PRELID2: variants seen among roughly 807,000 people sequenced by gnomAD.
PRELID2 encodes PRELI domain containing 2, also known as PRELI domain-containing protein 2.
Under a neutral mutation model 28.4 loss-of-function variants are expected in PRELID2, and 25 were observed. That is an observed-to-expected ratio of 0.88 (90% CI 0.64 to 1.23). The LOEUF (loss-of-function observed/expected upper bound fraction) is 1.23. Ranked by LOEUF, PRELID2 falls within the 50% of genes most tolerant of loss-of-function variation. The pLI is 0.00. For missense variants in PRELID2, 201 were observed against 214.4 expected, an observed-to-expected ratio of 0.94 and a Z score of 0.39; for synonymous variants, 76 against 71.6, an observed-to-expected ratio of 1.06 and a Z score of -0.31.
At chr5:145,580,347 A>G (rs563952464) in intron 1 of PRELID2, among the ~76,000 whole-genome samples, 158 of 152,208 alleles carry the variant, frequency 1.0e-3, no homozygotes, top group African/African-American at 3.7e-3. Flanking sequence ...ATTTAATAGC[A>G]GGAGAGAAAC....
chr5:145,293,801 A>G, the PRELID2 span, among the ~76,000 whole-genome samples: 1 of 152,210 alleles, frequency 6.6e-6, no homozygotes, highest in Admixed American at 6.6e-5. Context: ...GGCTATGGTT[A>G]CAAAGAGTAA....
chr5:145,419,649 G>C, the PRELID2 span, among the ~76,000 whole-genome samples: 1 of 151,800 alleles, frequency 6.6e-6, no homozygotes, highest in African/African-American at 2.4e-5. Flanking sequence ...CAGATGAGTA[G>C]GTTGCGAAAA....
chr5:145,691,652 A>G (rs376992457), intron 1 of PRELID2, among the ~76,000 whole-genome samples: 11 of 152,114 alleles, frequency 7.2e-5, no homozygotes, highest in African/African-American at 2.4e-4. Flanking sequence ...TGGGAGGCGA[A>G]GCTTGCAGTA....
intron 1 of PRELID2, among the ~76,000 whole-genome samples, chr5:145,750,975 T>A (rs543860098): frequency 6.6e-6 from 1 of 152,340 alleles, no homozygotes; most frequent in Admixed American, 6.5e-5. Flanking sequence ...TGGTTAGAGA[T>A]GTTGCGGTAT....
At chr5:145,710,534 A>C (rs932888213) in intron 1 of PRELID2, among the ~76,000 whole-genome samples, 14 of 152,230 alleles carry the variant, frequency 9.2e-5, no homozygotes, top group African/African-American at 3.4e-4. Flanking sequence ...GTTTAGCTTC[A>C]TGTCAGAGGA....
intron 1 of PRELID2, among the ~76,000 whole-genome samples, chr5:145,671,220 A>C (rs536228745): frequency 6.6e-6 from 1 of 152,332 alleles, no homozygotes; most frequent in South Asian, 2.1e-4. Flanking sequence ...AACTATCGCT[A>C]TACAGATTTC....
chr5:145,622,958 G>C (rs184891674), intron 1 of PRELID2, among the ~76,000 whole-genome samples: 10 of 151,708 alleles, frequency 6.6e-5, no homozygotes, highest in Non-Finnish European at 8.8e-5. Context: ...AGTAATAAAA[G>C]GTTAAATCAC....
chr5:145,378,723 T>C, the PRELID2 span, among the ~76,000 whole-genome samples: 1 of 152,202 alleles, frequency 6.6e-6, no homozygotes, highest in Non-Finnish European at 1.5e-5. Flanking sequence ...TTGGATTGGG[T>C]TCCAAGGTAC....
chr5:145,459,037 C>T, the PRELID2 span, among the ~76,000 whole-genome samples: 1 of 152,208 alleles, frequency 6.6e-6, no homozygotes, highest in Non-Finnish European at 1.5e-5. Flanking sequence ...GGGGAAATGC[C>T]ATCAGCCACC....
Position 145,736,662 on chromosome 5 carries a change from C to T in PRELID2, n.70+28269G>A, listed in dbSNP as rs146272371. Among the ~76,000 whole-genome samples the T allele has an allele frequency of 2.0e-5, 3 of 152,146 alleles. No homozygotes were observed. The East Asian group carries it at 5.8e-4, about 29-fold the overall frequency. On this transcript the variant is annotated intron_variant and non_coding_transcript_variant, in intron 1 of 2. Transcript: ENST00000510259. ...ATATTTGTTAAACCCTGTAAAGGGA[C>T]AGAGGGCAGCAGATAGATGAGCAAC...
chr5:145,246,858 A>T, the PRELID2 span, among the ~76,000 whole-genome samples: 1 of 152,156 alleles, frequency 6.6e-6, no homozygotes, highest in Non-Finnish European at 1.5e-5. Flanking sequence ...AATTTAGTGT[A>T]TGGTTTGACT....
At chr5:145,790,891 G>GTATATA (rs3038407) in intron 5 of PRELID2, among the ~76,000 whole-genome samples, 15,809 of 140,934 alleles carry the variant, frequency 0.11, 967 homozygotes, top group Non-Finnish European at 0.13. Context: ...TCACTTCTGG[G>GTATATA]TATATATATA....
chr5:145,282,641 T>C, the PRELID2 span, among the ~76,000 whole-genome samples: 1 of 151,824 alleles, frequency 6.6e-6, no homozygotes, highest in Admixed American at 6.6e-5. Flanking sequence ...CATCTCAGCC[T>C]CCTGAGTACC....
At chr5:145,704,775 C>T (rs565082846) in intron 1 of PRELID2, among the ~76,000 whole-genome samples, 22 of 152,108 alleles carry the variant, frequency 1.4e-4, no homozygotes, top group East Asian at 7.7e-4. Flanking sequence ...GAATTGGGCC[C>T]GAAAGGGAAT....
At chr5:145,335,951 T>C in the PRELID2 span, among the ~76,000 whole-genome samples, 1 of 152,244 alleles carries the variant, frequency 6.6e-6, no homozygotes, top group East Asian at 1.9e-4. Context: ...CCTGACTTTT[T>C]AATGATTGCC....
At chr5:145,714,393 T>C (rs1755787177) in intron 1 of PRELID2, among the ~76,000 whole-genome samples, 1 of 152,126 alleles carries the variant, frequency 6.6e-6, no homozygotes, top group Non-Finnish European at 1.5e-5. Flanking sequence ...AATATCCTTC[T>C]TGGACAGAAG....
chr5:145,370,519 C>T, the PRELID2 span, among the ~76,000 whole-genome samples: 3 of 152,114 alleles, frequency 2.0e-5, no homozygotes, highest in East Asian at 5.8e-4. Context: ...GTTTTGGTTA[C>T]TGTATCCTTG....
At chr5:145,495,578 A>T (rs920753666) in intron 1 of PRELID2, among the ~76,000 whole-genome samples, 24 of 152,148 alleles carry the variant, frequency 1.6e-4, no homozygotes, top group African/African-American at 5.3e-4. Flanking sequence ...AAAATGTTTC[A>T]TATTAGTCTC....
intron 5 of PRELID2, among the ~76,000 whole-genome samples, chr5:145,791,671 A>G (rs1053753701): frequency 1.3e-5 from 2 of 152,162 alleles, no homozygotes; most frequent in Non-Finnish European, 2.9e-5. Flanking sequence ...CTGCACAACA[A>G]TGTGAGTGTA....
Sources: gnomAD v4.1 joint callset for allele counts (sites outside exome capture counted in the v4.1 genomes callset) on GRCh38, gnomAD v4.1.1 for gene constraint, MANE v1.5 for transcripts, NCBI Gene and HGNC (gene_info 2026-07-23, HGNC 2026-07-21) for gene names.